The following WDPCP variants were observed in gnomAD, a reference collection of about 807,000 sequenced individuals.
The protein encoded by WDPCP is WD repeat containing planar cell polarity effector.
WDPCP carries 71 observed loss-of-function variants against 93.1 expected under a neutral mutation model. The observed-to-expected ratio is 0.76, with a 90% CI of 0.63 to 0.93. The LOEUF is 0.93. WDPCP is among the 40% of genes least tolerant of loss of function. The pLI, the probability that WDPCP is intolerant of heterozygous loss-of-function variation, is 0.00. For synonymous variants in WDPCP, 315 were observed against 315.0 expected (o/e 1.00, Z 0.00); for missense variants, 844 against 887.4 (o/e 0.95, Z 0.62).
intron 3 of WDPCP, among the ~76,000 whole-genome samples, chr2:63,598,384 C>T (rs1305184678): frequency 2.0e-5 from 3 of 152,134 alleles, no homozygotes; most frequent in Non-Finnish European, 4.4e-5. Flanking sequence ...CTGTCTTGGC[C>T]TCCCAAAGTG....
At chr2:63,791,552 A>C (rs1670546518) in intron 2 of WDPCP, among the ~76,000 whole-genome samples, 2 of 152,144 alleles carry the variant, frequency 1.3e-5, no homozygotes, top group African/African-American at 4.8e-5. Flanking sequence ...GTGCTTGCTT[A>C]TCTTAGAGCA....
the WDPCP span, among the ~76,000 whole-genome samples, chr2:63,838,211 T>C: frequency 1.3e-5 from 2 of 152,164 alleles, no homozygotes; most frequent in African/African-American, 2.4e-5. Flanking sequence ...TACCAGACAC[T>C]GTGCCAAGCA....
chr2:63,589,250 G>T, upstream of WDPCP: 1 of 1,552,810 alleles, frequency 6.4e-7, no homozygotes, highest in East Asian at 2.4e-5. Context: ...GGTATGGGGC[G>T]CTCTTAGGAG....
chr2:63,505,859 A>C (rs1443880632), intron 1 of WDPCP, among the ~76,000 whole-genome samples: 2 of 152,090 alleles, frequency 1.3e-5, no homozygotes, highest in African/African-American at 4.8e-5. Flanking sequence ...TTAACAAACC[A>C]AAGAACTTGT....
intron 14 of WDPCP, among the ~76,000 whole-genome samples, chr2:63,226,697 C>G (rs1406624621): frequency 6.6e-6 from 1 of 151,818 alleles, no homozygotes; most frequent in African/African-American, 2.4e-5. Context: ...GTAGAACATA[C>G]ATTTATGAGT....
chr2:63,162,077 C>T (rs1264933773), intron 15 of WDPCP, among the ~76,000 whole-genome samples: 2 of 152,022 alleles, frequency 1.3e-5, no homozygotes, highest in African/African-American at 4.8e-5. Flanking sequence ...GCCATCTGTG[C>T]GTAAATTCTT....
chr2:63,810,381 A>C (rs1247459473), intron 2 of WDPCP, among the ~76,000 whole-genome samples: 1 of 152,240 alleles, frequency 6.6e-6, no homozygotes, highest in Non-Finnish European at 1.5e-5. Context: ...AAAAGTTATA[A>C]AAGTGTTATA....
chr2:63,215,810 A>C (rs1244610376), intron 14 of WDPCP, among the ~76,000 whole-genome samples: 6 of 152,242 alleles, frequency 3.9e-5, no homozygotes, highest in Admixed American at 1.3e-4. Flanking sequence ...CAATCTACTC[A>C]TCTGACAAAG....
intron 10 of WDPCP, among the ~76,000 whole-genome samples, chr2:63,385,650 G>A (rs1692671680): frequency 2.0e-5 from 3 of 152,078 alleles, no homozygotes; most frequent in South Asian, 4.2e-4. Context: ...CTACTTTTAT[G>A]GATTAGGAGA....
intron 14 of WDPCP, among the ~76,000 whole-genome samples, chr2:63,253,069 A>G (rs754466308): frequency 6.6e-6 from 1 of 152,178 alleles, no homozygotes; most frequent in Non-Finnish European, 1.5e-5. Context: ...AAACAGACAC[A>G]GAGACCAATG....
At chr2:63,555,537 T>C (rs1376242410) in intron 1 of WDPCP, among the ~76,000 whole-genome samples, 1 of 152,026 alleles carries the variant, frequency 6.6e-6, no homozygotes, top group Non-Finnish European at 1.5e-5. Context: ...GCCTCCTGAC[T>C]AGGTGAGACC....
At chr2:63,559,176 C>T (rs2106400538) in intron 1 of WDPCP, among the ~76,000 whole-genome samples, 1 of 152,126 alleles carries the variant, frequency 6.6e-6, no homozygotes, top group Admixed American at 6.5e-5. Flanking sequence ...AGAAAAAAAC[C>T]ACATGATTAT....
chr2:63,716,238 A>G (rs951325664), intron 2 of WDPCP, among the ~76,000 whole-genome samples: 3 of 152,174 alleles, frequency 2.0e-5, no homozygotes, highest in African/African-American at 7.2e-5. Flanking sequence ...CTAGTAACTT[A>G]ATAGACCTCT....
intron 2 of WDPCP, among the ~76,000 whole-genome samples, chr2:63,669,757 T>C (rs568607647): frequency 6.6e-6 from 1 of 152,228 alleles, no homozygotes; most frequent in African/African-American, 2.4e-5. Flanking sequence ...GTTGTGCTTA[T>C]GCATTCTTGC....
chr2:63,503,359 T>G (rs1701671986), intron 1 of WDPCP, among the ~76,000 whole-genome samples: 1 of 152,192 alleles, frequency 6.6e-6, no homozygotes, highest in Admixed American at 6.5e-5. Context: ...TAATGCTCAT[T>G]TTAAATATTT....
At chr2:63,158,809 A>G (rs1242055154) in intron 15 of WDPCP, among the ~76,000 whole-genome samples, 3 of 151,758 alleles carry the variant, frequency 2.0e-5, no homozygotes, top group Non-Finnish European at 4.4e-5. Flanking sequence ...TGTTATCTCT[A>G]TTCTGCTATT....
chr2:63,371,006 G>T (rs754657691), intron 12 of WDPCP, among the ~76,000 whole-genome samples: 1 of 151,710 alleles, frequency 6.6e-6, no homozygotes, highest in Admixed American at 6.6e-5. Flanking sequence ...TCTTTTCCAA[G>T]AAAAACATTT....
chr2:63,476,423 G>A (rs560588563), intron 6 of WDPCP, among the ~76,000 whole-genome samples: 8 of 151,830 alleles, frequency 5.3e-5, no homozygotes, highest in African/African-American at 1.4e-4. Context: ...TTTTCCTTTC[G>A]GCTTAACCAA....
intron 7 of WDPCP, among the ~76,000 whole-genome samples, chr2:63,439,283 T>C (rs1380996182): frequency 6.6e-6 from 1 of 152,114 alleles, no homozygotes; most frequent in Non-Finnish European, 1.5e-5. Flanking sequence ...ATATTAGGCA[T>C]TGGTCTTTAC....
Sources: gnomAD v4.1 joint callset for allele counts (sites outside exome capture counted in the v4.1 genomes callset) on GRCh38, gnomAD v4.1.1 for gene constraint, MANE v1.5 for transcripts, NCBI Gene and HGNC (gene_info 2026-07-23, HGNC 2026-07-21) for gene names.